The following KBTBD4 variants were observed in gnomAD, a reference collection of about 807,000 sequenced individuals.
The protein encoded by KBTBD4 is kelch repeat and BTB domain-containing protein 4.
KBTBD4 carries 30 observed loss-of-function variants against 43.9 expected under a neutral mutation model. The ratio of observed to expected loss-of-function variants is 0.68; its 90% CI spans 0.51 to 0.93. The LOEUF (loss-of-function observed/expected upper bound fraction) is 0.93. KBTBD4 is among the 40% of genes least tolerant of loss of function. The probability of loss-of-function intolerance (pLI) is 0.00; values close to 1 mark genes in which losing one functional copy is unlikely to be tolerated. For synonymous variants in KBTBD4, 258 were observed against 256.9 expected (o/e 1.00, Z -0.04); for missense variants, 575 against 668.8 (o/e 0.86, Z 1.55).
chr11:47,573,537 T>C lies in KBTBD4; in HGVS notation c.998A>G (p.Asp333Gly), dbSNP rs758741599. 9 of 1,614,056 alleles carry C rather than the reference T, an allele frequency of 5.6e-6. No individual in the cohort carries two copies. The highest frequency in any genetic ancestry group is 6.8e-6 in the Non-Finnish European group (8 of 1,180,046). The change falls in exon 4 of 4, where the codon GAC becomes GGC. Residue 333 changes from aspartate to glycine, a missense_variant. Coordinates refer to ENST00000430070, the MANE Select transcript of KBTBD4 (RefSeq NM_018095.6). This position sits in a 1 kb window ranked among gnomAD's most constrained non-coding sequence, Gnocchi z 4.1. ...DWEWCAPLPR[D>G]RLQHTLVSVP... ...AGACACCAGGGTGTGCTGGAGCCGG[T>C]CCCGAGGCAAAGGAGCACACCACTC...
At position 47,575,623 on chromosome 11, in the gene KBTBD4, A is replaced by G; in HGVS notation, c.714T>C (p.Ala238=). ...WINFNKEERE[A]FAESLRTSLK... ...AGCTTGTCCTGAGTGACTCTGCAAA[A>G]GCCTCTCTTTCCTCTTTATTAAAGT... is the stretch of plus-strand genomic sequence containing the variant. The change falls in exon 3 of 4, where the codon GCT becomes GCC. Residue 238 remains alanine (A), a synonymous_variant. Transcript: ENST00000430070. The G allele has an allele frequency of 6.2e-7, 1 of 1,613,586 alleles. No individual in the cohort carries two copies. Among genetic ancestry groups the G allele is most frequent in the Non-Finnish European group, 8.5e-7 (1 of 1,179,620 alleles).
In KBTBD4 at chr11:47,577,685, A is replaced by G. The variant is rs762809063; in HGVS notation, c.363T>C (p.His121=). The part of the protein sequence containing the change: ...VFQLLVDYIY[H]GTVKLRAEEL... ...CCTCAGCTCGAAGTTTCACAGTCCC[A>G]TGGTAGATATAATCAACCAGGAGCT... Residue 121 remains histidine, a synonymous_variant, in exon 2 of 4, where the codon CAT becomes CAC. Transcript: ENST00000430070. 4 of 1,614,042 alleles carry G rather than the reference A, an allele frequency of 2.5e-6. No individual in the cohort carries two copies. Among genetic ancestry groups the G allele is most frequent in the Non-Finnish European group, 1.7e-6 (2 of 1,179,998 alleles).
Position 47,575,670 on chromosome 11 carries a change from C to T in KBTBD4, c.667G>A (p.Glu223Lys). ...DGVPCSQNPT[E>K]AIEAWINFNK... The stretch of plus-strand genomic sequence containing the variant: ...AAGTTGATCCAGGCTTCTATTGCCT[C>T]TGTTGGGTTCTGAGAACACGGAACT... The change falls in exon 3 of 4, where the codon GAG (glutamate) becomes AAG (lysine). Residue 223 changes from glutamate (E) to lysine (K), a missense_variant. Physicochemically the swap from Glu to Lys is moderately conservative, Grantham distance 56. Coordinates refer to ENST00000430070, the MANE Select transcript of KBTBD4 (RefSeq NM_018095.6). 1 of 1,612,474 alleles carries T rather than the reference C, an allele frequency of 6.2e-7. No individual in the cohort carries two copies. Among genetic ancestry groups the T allele is most frequent in the East Asian group, 2.2e-5 (1 of 44,872 alleles).
In KBTBD4 at chr11:47,577,698, T is replaced by C. The variant is rs754723894; in HGVS notation, c.350A>G (p.Asp117Gly). ...TTTCACAGTCCCATGGTAGATATAA[T>C]CAACCAGGAGCTGGAAAACAGACTC... ...VSESVFQLLV[D>G]YIYHGTVKLR... The change falls in exon 2 of 4, where the codon GAT (aspartate) becomes GGT (glycine). Residue 117 changes from aspartate (D) to glycine (G), a missense_variant. Asp to Gly is a moderately conservative substitution (Grantham distance 94, BLOSUM62 -1). Transcript: ENST00000430070. 1 of 1,614,140 alleles carries C rather than the reference T, an allele frequency of 6.2e-7. No individual in the cohort carries two copies. The highest frequency in any genetic ancestry group is 8.5e-7 in the Non-Finnish European group (1 of 1,180,026).
chr11:47,575,725 G>A (rs2097257974), intron 2 of KBTBD4, 26 bp from the exon 3 acceptor site: 2 of 1,416,270 alleles, frequency 1.4e-6, no homozygotes, highest in South Asian at 1.2e-5. Context: ...GAAAGGCATG[G>A]TCAATGACAA....
rs1210868018 is a variant in KBTBD4, at chr11:47,573,284, C to T, written c.1251G>A (p.Gln417=). 1 of 1,614,212 alleles carries T rather than the reference C, an allele frequency of 6.2e-7. No homozygotes were observed. The highest frequency in any genetic ancestry group is 8.5e-7 in the Non-Finnish European group (1 of 1,180,044). ...DFFTKPSRLI[Q]CFDTETDKCH... ...ATTTGTCTGTCTCTGTGTCAAAGCACTGGATGAGTCGGGAAGGTTTGGTAA... is the reference window on the plus strand; with the variant it reads ...ATTTGTCTGTCTCTGTGTCAAAGCATTGGATGAGTCGGGAAGGTTTGGTAA... Residue 417 remains glutamine (Q), a synonymous_variant, in exon 4 of 4, where the codon CAG becomes CAA. Transcript: ENST00000430070. The surrounding 1 kb of genome is among the most constrained non-coding windows in gnomAD (Gnocchi z 4.1).
At position 47,577,978 on chromosome 11, in the gene KBTBD4, C is replaced by G. The variant is rs749038795; in HGVS notation, c.70G>C (p.Gly24Arg). The change falls in exon 2 of 4, where the codon GGA (glycine) becomes CGA (arginine). Residue 24 changes from glycine to arginine, a missense_variant. Gly to Arg is a moderately radical substitution (Grantham distance 125). Transcript: ENST00000430070. ...AAGTAGTTCTCATCCATGGATGCTC[C>G]AGGCTCCTCTGGTGATTCCATGCTA... Reference protein sequence around the residue: ...LASMESPEEPGASMDENYFVN... With the variant: ...LASMESPEEPRASMDENYFVN... The G allele has an allele frequency of 6.2e-7, 1 of 1,614,198 alleles. No individual in the cohort carries two copies. Among genetic ancestry groups the G allele is most frequent in the Non-Finnish European group, 8.5e-7 (1 of 1,180,022 alleles).
chr11:47,573,102 G>C lies in KBTBD4; in HGVS notation c.1433C>G (p.Ser478Cys), dbSNP rs1233488420. ...GGCAATCTTCCAGAGGGATGGGGCA[G>C]AGCTCCAGGCCTCAGGAAGGCAAAG... ...TRLCLPEAWS[S>C]APSLWKIASC... Residue 478 changes from serine to cysteine, a missense_variant, in exon 4 of 4, where the codon TCT becomes TGT. Physicochemically the swap from Ser to Cys is moderately radical, Grantham distance 112 (BLOSUM62 -1). Coordinates refer to ENST00000430070, the MANE Select transcript of KBTBD4 (RefSeq NM_018095.6). This position sits in a 1 kb window ranked among gnomAD's most constrained non-coding sequence, Gnocchi z 4.1. 3 of 1,614,092 alleles carry C rather than the reference G, an allele frequency of 1.9e-6. No individual in the cohort carries two copies. Among genetic ancestry groups the C allele is most frequent in the Non-Finnish European group, 2.5e-6 (3 of 1,180,036 alleles).
In KBTBD4 at chr11:47,577,763, C is replaced by A. The variant is rs1367383233; in HGVS notation, c.285G>T (p.Lys95Asn). The A allele has an allele frequency of 6.2e-7, 1 of 1,614,050 alleles. No homozygotes were observed. The highest frequency in any genetic ancestry group is 8.5e-7 in the Non-Finnish European group (1 of 1,180,036). ...FFRSMFTSNL[K>N]EAHNRVIVLQ... is the part of the protein sequence containing the mutation. ...GCACAATCACCCGGTTGTGGGCCTC[C>A]TTCAGGTTGGAAGTGAACATGGATC... The change falls in exon 2 of 4, where the codon AAG becomes AAT. Residue 95 changes from lysine (K) to asparagine (N), a missense_variant. Coordinates refer to ENST00000430070, the MANE Select transcript of KBTBD4 (RefSeq NM_018095.6).
At chr11:47,576,945 G>C (rs539727587) in intron 2 of KBTBD4, among the ~76,000 whole-genome samples, 5 of 152,232 alleles carry the variant, frequency 3.3e-5, no homozygotes, top group Admixed American at 1.3e-4. Context: ...CCAAAGTGTT[G>C]GGATTACAGG....
chr11:47,577,703 C>G lies in KBTBD4; in HGVS notation c.345G>C (p.Leu115=). 1 of 1,614,202 alleles carries G rather than the reference C, an allele frequency of 6.2e-7. No homozygotes were observed. Among genetic ancestry groups the G allele is most frequent in the Non-Finnish European group, 8.5e-7 (1 of 1,180,042 alleles). ...QDVSESVFQL[L]VDYIYHGTVK... is the part of the protein sequence containing the mutation. Reference sequence around the variant, plus strand: ...CAGTCCCATGGTAGATATAATCAACCAGGAGCTGGAAAACAGACTCGCTGA... The same window carrying G: ...CAGTCCCATGGTAGATATAATCAACGAGGAGCTGGAAAACAGACTCGCTGA... Residue 115 remains leucine (L), a synonymous_variant, in exon 2 of 4, where the codon CTG becomes CTC. Transcript: ENST00000430070.
intron 1 of KBTBD4, 76 bp from the exon 2 acceptor site, chr11:47,578,104 G>T: frequency 6.5e-7 from 1 of 1,541,556 alleles, no homozygotes; most frequent in Non-Finnish European, 8.8e-7. Flanking sequence ...CCAACTCAGG[G>T]AGGGAAAAGG....
chr11:47,577,770 T>A lies in KBTBD4; in HGVS notation c.278A>T (p.Asn93Ile). The A allele has an allele frequency of 6.2e-7, 1 of 1,614,038 alleles. No individual in the cohort carries two copies. Among genetic ancestry groups the A allele is most frequent in the East Asian group, 2.2e-5 (1 of 44,876 alleles). ...CACCCGGTTGTGGGCCTCCTTCAGGTTGGAAGTGAACATGGATCGGAAGAA... is the reference window on the plus strand; with the variant it reads ...CACCCGGTTGTGGGCCTCCTTCAGGATGGAAGTGAACATGGATCGGAAGAA... ...SCFFRSMFTSNLKEAHNRVIV... is the reference protein window; with the variant it reads ...SCFFRSMFTSILKEAHNRVIV... Residue 93 changes from asparagine to isoleucine, a missense_variant, in exon 2 of 4, where the codon AAC (asparagine) becomes ATC (isoleucine). By Grantham distance (149) the Asn-to-Ile change is moderately radical. Transcript: ENST00000430070.
In KBTBD4 at chr11:47,577,937, G is replaced by A. The variant is rs375791528; in HGVS notation, c.111C>T (p.Phe37=). 6.8e-6 allele frequency: 11 copies of A among 1,614,056 alleles called. No homozygotes were observed. The highest frequency in any genetic ancestry group is 1.7e-6 in the Non-Finnish European group (2 of 1,180,036). The change falls in exon 2 of 4, where the codon TTC becomes TTT. Residue 37 remains phenylalanine (F), a synonymous_variant. Transcript: ENST00000430070. The stretch of plus-strand genomic sequence containing the variant: ...CACGGCCTGAATGTGACCGATCTTT[G>A]AAAGTGTAGTTCACAAAGTAGTTCT... ...MDENYFVNYT[F]KDRSHSGRVA... is the part of the protein sequence containing the mutation.
chr11:47,576,347 C>G (rs946758222), intron 2 of KBTBD4: 1 of 145,488 alleles, frequency 6.9e-6, no homozygotes, highest in African/African-American at 2.6e-5. Flanking sequence ...TTTGTACTTT[C>G]ACCATGTTAG....
chr11:47,578,911 C>G (rs371831397), intron 1 of KBTBD4, 22 bp downstream of exon 1: 184 of 1,551,658 alleles, frequency 1.2e-4, no homozygotes, highest in Non-Finnish European at 1.6e-4. Context: ...GATTTCCCTA[C>G]CTGCCTGTCT....
At chr11:47,578,834 G>T in intron 1 of KBTBD4, 99 bp downstream of exon 1, 1 of 1,544,228 alleles carries the variant, frequency 6.5e-7, no homozygotes, top group Non-Finnish European at 8.7e-7. Flanking sequence ...TCACCCGCCT[G>T]GTTCTTCAGC....
In KBTBD4 at chr11:47,573,553, C is replaced by A; in HGVS notation, c.982G>T (p.Ala328Ser). 6.2e-7 allele frequency: 1 copy of A among 1,614,216 alleles called. No individual in the cohort carries two copies. Among genetic ancestry groups the A allele is most frequent in the Non-Finnish European group, 8.5e-7 (1 of 1,180,036 alleles). The change falls in exon 4 of 4, where the codon GCT becomes TCT. Residue 328 changes from alanine to serine, a missense_variant. Transcript: ENST00000430070. This position sits in a 1 kb window ranked among gnomAD's most constrained non-coding sequence, Gnocchi z 4.1. ...NNATVDWEWC[A>S]PLPRDRLQHT... Reference sequence around the variant, plus strand: ...TGGAGCCGGTCCCGAGGCAAAGGAGCACACCACTCCCAGTCAACGGTGGCA... The same window carrying A: ...TGGAGCCGGTCCCGAGGCAAAGGAGAACACCACTCCCAGTCAACGGTGGCA...
intron 2 of KBTBD4, among the ~76,000 whole-genome samples, chr11:47,576,308 A>T (rs2097259431): frequency 6.6e-6 from 1 of 150,738 alleles, no homozygotes; most frequent in Non-Finnish European, 1.5e-5. Flanking sequence ...CTGGGTCTAC[A>T]GGCGCCTGCC....
Sources: allele counts gnomAD v4.1 joint callset (sites outside exome capture counted in the v4.1 genomes callset), GRCh38; gene constraint gnomAD v4.1.1; non-coding constraint Gnocchi (gnomAD v3.1); transcripts MANE v1.5; gene names NCBI Gene and HGNC (gene_info 2026-07-23, HGNC 2026-07-21).